ATG2A: variants seen among roughly 807,000 people sequenced by gnomAD.
The protein encoded by ATG2A is autophagy-related protein 2 homolog A.
In ATG2A, 103 loss-of-function variants were observed where a neutral mutation model predicts 214.2. That is an observed-to-expected ratio of 0.48 (90% CI 0.41 to 0.57). ATG2A has a LOEUF of 0.57. ATG2A is among the 20% of genes least tolerant of loss of function. The pLI is 0.00. For missense variants in ATG2A, 2,312 were observed against 2,613.2 expected (o/e 0.88, Z 2.51); for synonymous variants, 1,160 against 1,142.1 (o/e 1.02, Z -0.32).
chr11:64,896,551 G>A lies in ATG2A; in HGVS notation c.5338C>T (p.Arg1780Trp), dbSNP rs1179284206. The change falls in exon 39 of 41, where the codon CGG becomes TGG. Residue 1780 changes from arginine (R) to tryptophan (W), a missense_variant. Arg to Trp is a moderately radical substitution (Grantham distance 101). Transcript: ENST00000377264. Reference protein sequence around the residue: ...EQYRKDGRLMRGLQRGAASFG... With the variant: ...EQYRKDGRLMWGLQRGAASFG... ...GAGGCAGCCCCTCGCTGCAGCCCCC[G>A]CATGAGGCGGCCATCCTTCCTGTAC... The A allele has an allele frequency of 3.7e-6, 6 of 1,613,926 alleles. No individual in the cohort carries two copies. The highest frequency in any genetic ancestry group is 2.2e-5 in the South Asian group (2 of 91,088).
Position 64,909,001 on chromosome 11 carries a change from T to C in ATG2A, c.2354A>G (p.Glu785Gly), listed in dbSNP as rs745822482. 1.3e-6 allele frequency: 2 copies of C among 1,588,050 alleles called. No individual in the cohort carries two copies. Among genetic ancestry groups the C allele is most frequent in the Non-Finnish European group, 1.7e-6 (2 of 1,167,188 alleles). ...SPFSSKRTMYETEEMVIPGDP... is the reference protein window; with the variant it reads ...SPFSSKRTMYGTEEMVIPGDP... ...GGGGCCAAGTCTCACCTCCTCTGTC[T>C]CATACATGGTCCTCTTAGAGGAGAA... The change falls in exon 16 of 41, where the codon GAG becomes GGG. Residue 785 changes from glutamate (E) to glycine (G), a missense_variant. Glu to Gly is a moderately conservative substitution (Grantham distance 98). Coordinates refer to ENST00000377264, the MANE Select transcript of ATG2A (RefSeq NM_015104.3).
At chr11:64,904,878 C>T (rs1427036364) in intron 24 of ATG2A, among the ~76,000 whole-genome samples, 2 of 151,726 alleles carry the variant, frequency 1.3e-5, no homozygotes, top group East Asian at 1.9e-4. Flanking sequence ...TTATTTGAGA[C>T]GGAGTCTCGC....
At chr11:64,916,819 G>A (rs1945004599) in intron 1 of ATG2A, 146 bp downstream of exon 1, 4 of 1,057,000 alleles carry the variant, frequency 3.8e-6, no homozygotes, top group African/African-American at 1.7e-5. Context: ...GCCAGCCGGG[G>A]TGCCTCTGAC....
In ATG2A at chr11:64,909,668, CG is replaced by C; in HGVS notation, c.2107+12del. ...GCCTCTTGCCCCAAGTTCTGTCACT[CG>C]GGGGCTCTCACCATGTAGGTCGGAG... On this transcript the variant is annotated intron_variant, in intron 14 of 40. Coordinates refer to ENST00000377264, the MANE Select transcript of ATG2A (RefSeq NM_015104.3). 1.9e-6 allele frequency: 3 copies of C among 1,608,540 alleles called. No homozygotes were observed. The highest frequency in any genetic ancestry group is 8.5e-7 in the Non-Finnish European group (1 of 1,177,326).
At chr11:64,909,654 C>T in intron 14 of ATG2A, 27 bp downstream of exon 14, 1 of 1,604,118 alleles carries the variant, frequency 6.2e-7, no homozygotes, top group Non-Finnish European at 8.5e-7. Context: ...CCTCTTGCCC[C>T]AAGTTCTGTC....
At position 64,909,289 on chromosome 11, in the gene ATG2A, C is replaced by A. The variant is rs144151417; in HGVS notation, c.2186G>T (p.Arg729Leu). 3 of 1,613,680 alleles carry A rather than the reference C, an allele frequency of 1.9e-6. No homozygotes were observed. The Admixed American group carries it at 5.0e-5, about 27-fold the overall frequency. Residue 729 changes from arginine to leucine, a missense_variant, in exon 15 of 41, where the codon CGC (arginine) becomes CTC (leucine). Coordinates refer to ENST00000377264, the MANE Select transcript of ATG2A (RefSeq NM_015104.3). The stretch of plus-strand genomic sequence containing the variant: ...TACTTACTGGGGCAGGAAGTACTTG[C>A]GCCCAGTGCTCTTGGGGTCCAGGGC... ...SKALDPKSTG[R>L]KYFLPQVVVT...
At chr11:64,912,786 T>C in intron 6 of ATG2A, 1 of 461,972 alleles carries the variant, frequency 2.2e-6, no homozygotes, top group Non-Finnish European at 3.9e-6. Flanking sequence ...AGAGACGGGG[T>C]TTCACCATGT....
In ATG2A at chr11:64,917,203, G is replaced by C; in HGVS notation, c.-68C>G. On this transcript the variant is annotated 5_prime_UTR_variant, in exon 1 of 41. Coordinates refer to ENST00000377264, the MANE Select transcript of ATG2A (RefSeq NM_015104.3). ...CCGGCGATCCCCGTCCGGCTCCGCT[G>C]TTCACTAGAGCCCCCGGCTCGCCCC... 1.4e-6 allele frequency: 2 copies of C among 1,471,150 alleles called. No individual in the cohort carries two copies. The highest frequency in any genetic ancestry group is 1.8e-6 in the Non-Finnish European group (2 of 1,101,264). The allele number at this position is 1,471,150 out of a possible 1,614,324, so 91.1% of individuals were successfully genotyped here.
intron 31 of ATG2A, among the ~76,000 whole-genome samples, chr11:64,900,222 C>G (rs530233929): frequency 2.8e-4 from 42 of 152,000 alleles, no homozygotes; most frequent in African/African-American, 1.0e-3. Flanking sequence ...TGGCTCACAT[C>G]CCCACTTGTT....
chr11:64,898,887 AG>A lies in ATG2A; in HGVS notation c.4465-46del. 1 of 1,560,740 alleles carries A rather than the reference AG, an allele frequency of 6.4e-7. No individual in the cohort carries two copies. The highest frequency in any genetic ancestry group is 8.7e-7 in the Non-Finnish European group (1 of 1,148,258). On this transcript the variant is annotated intron_variant, in intron 31 of 40. Transcript: ENST00000377264. The surrounding 1 kb of genome is among the most constrained non-coding windows in gnomAD (Gnocchi z 4.5). Reference sequence around the variant, plus strand: ...CTGGCCAGGTAAGCAGGGCCCCAAGAGGGAGGGAAGGGCTGGCCCCAGACCC... The same window carrying A: ...CTGGCCAGGTAAGCAGGGCCCCAAGAGGAGGGAAGGGCTGGCCCCAGACCC...
chr11:64,909,039 A>C lies in ATG2A; in HGVS notation c.2316T>G (p.Pro772=). 1.9e-6 allele frequency: 3 copies of C among 1,612,418 alleles called. No homozygotes were observed. The South Asian group carries it at 3.3e-5, about 18-fold the overall frequency. ...TCTTAGAGGAGAAGGGCGAGGGCTC[A>C]GGTTCCCGCAGCTCACAGGGACTCT... ...SVESPCELRE[P]EPSPFSSKRT... is the part of the protein sequence containing the mutation. Residue 772 remains proline (P), a synonymous_variant, in exon 16 of 41, where the codon CCT becomes CCG. Transcript: ENST00000377264.
At chr11:64,901,466 C>T (rs924159954) in intron 29 of ATG2A, among the ~76,000 whole-genome samples, 32 of 152,118 alleles carry the variant, frequency 2.1e-4, no homozygotes, top group African/African-American at 7.2e-4. Flanking sequence ...GGATTACAGG[C>T]GTAACCTACC....
chr11:64,909,151 C>T lies in ATG2A; in HGVS notation c.2205-1G>A. The T allele has an allele frequency of 6.2e-7, 1 of 1,608,164 alleles. No individual in the cohort carries two copies. The highest frequency in any genetic ancestry group is 8.5e-7 in the Non-Finnish European group (1 of 1,177,330). ...CTGGGGGTTCACAGTCACCACTACC[C>T]TGCCGGGGCACAGGCCTGTTACTGG... is the stretch of plus-strand genomic sequence containing the variant. On this transcript the variant is annotated splice_acceptor_variant, in intron 15 of 40. Coordinates refer to ENST00000377264, the MANE Select transcript of ATG2A (RefSeq NM_015104.3). LOFTEE classifies it high-confidence loss of function.
rs1944190904 is a variant in ATG2A at position 64,897,390 on chromosome 11, G to C, written c.5150+22C>G. On this transcript the variant is annotated intron_variant, in intron 37 of 40. Coordinates refer to ENST00000377264, the MANE Select transcript of ATG2A (RefSeq NM_015104.3). The stretch of plus-strand genomic sequence containing the variant: ...AGGAAGATCAGGGACCCTGGAGAGA[G>C]GCTGGGGTGCTGGGGACTCACCCGT... The C allele has an allele frequency of 1.9e-6, 3 of 1,554,526 alleles. No individual in the cohort carries two copies. In the African/African-American group the frequency reaches 4.1e-5, roughly 21 times the overall value.
intron 1 of ATG2A, 60 bp from the exon 2 acceptor site, chr11:64,914,560 C>T: frequency 6.3e-7 from 1 of 1,575,814 alleles, no homozygotes; most frequent in Non-Finnish European, 8.6e-7. Context: ...CAGGCTGGCA[C>T]AGCCTTATCT....
Position 64,907,791 on chromosome 11 carries a change from T to C in ATG2A, c.2464A>G (p.Ile822Val), listed in dbSNP as rs758735702. 4 of 1,613,558 alleles carry C rather than the reference T, an allele frequency of 2.5e-6. No individual in the cohort carries two copies. The South Asian group carries it at 3.3e-5, about 13-fold the overall frequency. The change falls in exon 17 of 41, where the codon ATC (isoleucine) becomes GTC (valine). Residue 822 changes from isoleucine to valine, a missense_variant. Ile to Val is a conservative substitution (Grantham distance 29). Transcript: ENST00000377264. ...TAGACCTCCTTGCTGGGCAGAAAGA[T>C]GTGGACACTGGGCAGGATCACTTCC... Reference protein sequence around the residue: ...SLEVILPSVHIFLPSKEVYES... With the variant: ...SLEVILPSVHVFLPSKEVYES...
chr11:64,894,685 G>A lies in ATG2A; in HGVS notation c.*288C>T, dbSNP rs1944084040. 1.5e-6 allele frequency: 1 copy of A among 672,746 alleles called. No homozygotes were observed. Among genetic ancestry groups the A allele is most frequent in the Non-Finnish European group, 2.7e-6 (1 of 365,280 alleles). 41.7% of individuals were successfully genotyped at this position (672,746 alleles called of 1,614,324 possible). ...AAGACACTTGGCTGAGTGGGATGGGGTCCGAGGGTCCAAAAGCCTCCGTCC... is the reference window on the plus strand; with the variant it reads ...AAGACACTTGGCTGAGTGGGATGGGATCCGAGGGTCCAAAAGCCTCCGTCC... On this transcript the variant is annotated 3_prime_UTR_variant, in exon 41 of 41. Transcript: ENST00000377264.
rs374547734 is a variant in ATG2A, at chr11:64,902,697, G to C, written c.3613-17C>G. 1 of 1,602,660 alleles carries C rather than the reference G, an allele frequency of 6.2e-7. No homozygotes were observed. Among genetic ancestry groups the C allele is most frequent in the Non-Finnish European group, 8.5e-7 (1 of 1,174,440 alleles). On this transcript the variant is annotated splice_polypyrimidine_tract_variant and intron_variant, in intron 26 of 40. Transcript: ENST00000377264. ...TGGCTGGCTCTGCAGGGGCGGGGTG[G>C]GGGGAGCAGCTATGTGAACACAGGG... is the stretch of plus-strand genomic sequence containing the variant.
At position 64,898,061 on chromosome 11, in the gene ATG2A, T is replaced by TC. The variant is rs1944218708; in HGVS notation, c.4858+24dup. ...CCTGGGAGGCAGAAGGCCCAGACGC[T>TC]CCCCTCCCTGGCCCAGCCTCTCACC... On this transcript the variant is annotated intron_variant, in intron 34 of 40. Transcript: ENST00000377264. This position sits in a 1 kb window ranked among gnomAD's most constrained non-coding sequence, Gnocchi z 4.5. 1.2e-6 allele frequency: 2 copies of TC among 1,612,580 alleles called. No homozygotes were observed. The highest frequency in any genetic ancestry group is 4.5e-5 in the East Asian group (2 of 44,868).
Sources: allele counts gnomAD v4.1 joint callset (sites outside exome capture counted in the v4.1 genomes callset), GRCh38; gene constraint gnomAD v4.1.1; non-coding constraint Gnocchi (gnomAD v3.1); transcripts MANE v1.5; gene names NCBI Gene and HGNC (gene_info 2026-07-23, HGNC 2026-07-21).